The following MAX variants were observed in gnomAD, a reference collection of about 807,000 sequenced individuals.
MAX encodes protein max.
A neutral mutation model predicts 22.3 loss-of-function variants in MAX; 3 were observed. That is an observed-to-expected ratio of 0.13 (90% CI 0.06 to 0.35). The LOEUF (loss-of-function observed/expected upper bound fraction) is 0.35, where lower values mean the gene tolerates loss of function less well. Ranked by LOEUF, MAX falls within the 10% of genes least tolerant of loss-of-function variation. MAX has a pLI of 1.00. For synonymous variants in MAX, 72 were observed against 77.7 expected (o/e 0.93, Z 0.39); for missense variants, 119 against 209.4 (o/e 0.57, Z 2.66).
At position 65,044,296 on chromosome 14, in the gene MAX, T is replaced by C; in HGVS notation, c.172-38012A>G. 1 of 1,612,228 alleles carries C rather than the reference T, an allele frequency of 6.2e-7. No homozygotes were observed. Among genetic ancestry groups the C allele is most frequent in the Non-Finnish European group, 8.5e-7 (1 of 1,179,292 alleles). ...TTTTAGCCTACAACTGCCTTTCCCATCTGTGTCTCCTCAGCAATGGGTGAC... is the reference window on the plus strand; with the variant it reads ...TTTTAGCCTACAACTGCCTTTCCCACCTGTGTCTCCTCAGCAATGGGTGAC... On this transcript the variant is annotated intron_variant, in intron 3 of 3. Transcript: ENST00000341653. The surrounding 1 kb of genome is among the most constrained non-coding windows in gnomAD (Gnocchi z 5.5).
intron 3 of MAX, chr14:65,083,792 T>C (rs2063254758): frequency 1.8e-6 from 2 of 1,121,790 alleles, no homozygotes; most frequent in Non-Finnish European, 2.2e-6. Context: ...TTAGAGAAAA[T>C]GAAACCATTT....
chr14:65,050,954 A>C (rs2062592953), intron 3 of MAX, among the ~76,000 whole-genome samples: 1 of 152,248 alleles, frequency 6.6e-6, no homozygotes, highest in African/African-American at 2.4e-5. Context: ...AAGTAAAAGA[A>C]GATAGAGTGA....
rs560634995 is a variant in MAX, at chr14:65,031,610, C to T, written c.172-25326G>A. On this transcript the variant is annotated intron_variant, in intron 3 of 3. Transcript: ENST00000341653. The surrounding 1 kb of genome is among the most constrained non-coding windows in gnomAD (Gnocchi z 4.6). ...GGATTACAGGCATGAGCAACTGTGC[C>T]CAGCCTAATAATGCTTTTTTAAAAA... Among the ~76,000 whole-genome samples, 2 of 152,208 alleles carry T rather than the reference C, an allele frequency of 1.3e-5. No homozygotes were observed. The highest frequency in any genetic ancestry group is 3.9e-4 in the East Asian group (2 of 5,138).
chr14:65,083,209 C>T (rs1269993926), intron 3 of MAX, among the ~76,000 whole-genome samples: 1 of 152,168 alleles, frequency 6.6e-6, no homozygotes, highest in Non-Finnish European at 1.5e-5. Context: ...ACTGTCAGAC[C>T]TCTGCTTTTG....
intron 3 of MAX, chr14:65,061,464 G>A (rs2062864499): frequency 7.5e-7 from 1 of 1,327,680 alleles, no homozygotes; most frequent in Non-Finnish European, 1.0e-6. Flanking sequence ...CAAAACCAAT[G>A]GCTCTGGGTT....
intron 3 of MAX, among the ~76,000 whole-genome samples, chr14:65,018,703 G>A (rs1364976200): frequency 2.6e-5 from 4 of 151,382 alleles, no homozygotes; most frequent in Admixed American, 1.3e-4. Context: ...CCAGCTACTC[G>A]GGAGACTAAG....
intron 3 of MAX, among the ~76,000 whole-genome samples, chr14:65,010,194 CT>C (rs1399582873): frequency 2.0e-5 from 3 of 152,176 alleles, no homozygotes; most frequent in African/African-American, 7.2e-5. Flanking sequence ...ATGACACTTC[CT>C]TTGCTCTTCC....
At chr14:65,022,376 G>A (rs1276327420) in intron 3 of MAX, among the ~76,000 whole-genome samples, 1 of 151,306 alleles carries the variant, frequency 6.6e-6, no homozygotes, top group Non-Finnish European at 1.5e-5. Context: ...TGATAGCCTA[G>A]TCTAGTGCTG....
chr14:65,053,625 T>A (rs1312326727), intron 3 of MAX, among the ~76,000 whole-genome samples: 58 of 146,318 alleles, frequency 4.0e-4, no homozygotes, highest in Non-Finnish European at 7.1e-4. Context: ...CTTCTTTTTT[T>A]TAAAAAAAAC....
chr14:65,061,510 C>A, intron 3 of MAX: 2 of 990,320 alleles, frequency 2.0e-6, no homozygotes, highest in Non-Finnish European at 2.8e-6. Flanking sequence ...AAATTCTTTC[C>A]ACACCTGTCA....
intron 3 of MAX, among the ~76,000 whole-genome samples, chr14:65,060,828 G>A (rs1027196643): frequency 1.2e-4 from 17 of 138,508 alleles, no homozygotes; most frequent in South Asian, 1.2e-3. Context: ...AGCTAAGATC[G>A]TGTCAATGCA....
At position 65,012,448 on chromosome 14, in the gene MAX, T is replaced by TGTTGAA; in HGVS notation, c.172-6165_172-6164insTTCAAC. On this transcript the variant is annotated intron_variant, in intron 3 of 3. Transcript: ENST00000341653. The surrounding 1 kb of genome is among the most constrained non-coding windows in gnomAD (Gnocchi z 5.0). Reference sequence around the variant, plus strand: ...ATTATCCACCAAATCCTCCTCCTTTTTCTATTTAAACGTAAAAGACTGTTG... The same window carrying TGTTGAA: ...ATTATCCACCAAATCCTCCTCCTTTTGTTGAATCTATTTAAACGTAAAAGACTGTTG... 6.2e-7 allele frequency: 1 copy of TGTTGAA among 1,607,072 alleles called. No homozygotes were observed. Among genetic ancestry groups the TGTTGAA allele is most frequent in the Non-Finnish European group, 8.5e-7 (1 of 1,174,712 alleles).
chr14:65,020,393 G>A (rs773785987), intron 3 of MAX, among the ~76,000 whole-genome samples: 141 of 151,972 alleles, frequency 9.3e-4, no homozygotes, highest in Non-Finnish European at 1.7e-3. Flanking sequence ...GATTATAGGC[G>A]TGAGCCACCA....
intron 3 of MAX, chr14:65,016,443 G>A (rs760534357): frequency 6.6e-6 from 1 of 152,262 alleles, no homozygotes; most frequent in Non-Finnish European, 1.5e-5. Flanking sequence ...GAGGCAGCAT[G>A]GGCTCTAGGC....
rs371737877 is a variant in MAX at position 65,018,408 on chromosome 14, A to G, written c.172-12124T>C. Among the ~76,000 whole-genome samples, 15 of 152,230 alleles carry G rather than the reference A, an allele frequency of 9.9e-5. No homozygotes were observed. In the East Asian group the frequency reaches 2.1e-3, roughly 21 times the overall value. On this transcript the variant is annotated intron_variant, in intron 3 of 3. Coordinates refer to the MAX transcript ENST00000341653. ...AGAGATGTGAAATGAAAATAGTTTA[A>G]AAGATTTAATTTACATACATTAAAA...
chr14:65,008,002 G>A (rs2061621874), intron 3 of MAX, among the ~76,000 whole-genome samples: 1 of 152,178 alleles, frequency 6.6e-6, no homozygotes, highest in African/African-American at 2.4e-5. Flanking sequence ...CACCAGCTTA[G>A]CTCCCGTGTT....
Position 65,012,267 on chromosome 14 carries a change from G to A in MAX, c.172-5983C>T, listed in dbSNP as rs2061695448. 1.2e-6 allele frequency: 2 copies of A among 1,611,560 alleles called. No homozygotes were observed. The highest frequency in any genetic ancestry group is 1.7e-6 in the Non-Finnish European group (2 of 1,178,020). ...GTGTACGTGCACATACGTGTGTATG[G>A]TGGAAGCATAAGCTATTAGAATGGG... is the stretch of plus-strand genomic sequence containing the variant. On this transcript the variant is annotated intron_variant, in intron 3 of 3. Coordinates refer to the MAX transcript ENST00000341653. The surrounding 1 kb of genome is among the most constrained non-coding windows in gnomAD (Gnocchi z 5.0).
chr14:65,077,086 A>G lies in MAX; in HGVS notation c.296-423T>C. ...ACATAAGACGTATCAGCCAAAGAAC[A>G]GTTTTGGCTTAGCTCTCGTGTACAA... On this transcript the variant is annotated intron_variant, in intron 4 of 4. Transcript: ENST00000358664. The surrounding 1 kb of genome is among the most constrained non-coding windows in gnomAD (Gnocchi z 6.3). The G allele has an allele frequency of 5.2e-6, 3 of 577,628 alleles. No homozygotes were observed. The highest frequency in any genetic ancestry group is 9.2e-6 in the Non-Finnish European group (3 of 326,506). 35.8% of individuals were successfully genotyped at this position (577,628 alleles called of 1,614,324 possible).
chr14:65,069,726 A>T lies in MAX; in HGVS notation c.171+23982T>A, dbSNP rs2062966715. On this transcript the variant is annotated intron_variant, in intron 3 of 3. Transcript: ENST00000341653. The surrounding 1 kb of genome is among the most constrained non-coding windows in gnomAD (Gnocchi z 4.6). ...CAAGCACAGTGCTAGGAGTCCAGTA[A>T]CAAGTGCACAGACCAGCCACTGACT... is the stretch of plus-strand genomic sequence containing the variant. Among the ~76,000 whole-genome samples, 1 of 152,216 alleles carries T rather than the reference A, an allele frequency of 6.6e-6. No homozygotes were observed. Among genetic ancestry groups the T allele is most frequent in the Non-Finnish European group, 1.5e-5 (1 of 68,030 alleles).
Sources: gnomAD v4.1 joint callset for allele counts (sites outside exome capture counted in the v4.1 genomes callset) on GRCh38, gnomAD v4.1.1 for gene constraint, Gnocchi (gnomAD v3.1) non-coding constraint, MANE v1.5 for transcripts, NCBI Gene and HGNC (gene_info 2026-07-23, HGNC 2026-07-21) for gene names.